The following CYFIP1 variants were observed in gnomAD, a reference collection of about 807,000 sequenced individuals.
The protein encoded by CYFIP1 is cytoplasmic FMR1 interacting protein 1, also known as cytoplasmic FMR1-interacting protein 1.
CYFIP1 carries 58 observed loss-of-function variants against 163.5 expected under a neutral mutation model. The ratio of observed to expected loss-of-function variants is 0.35; its 90% confidence interval spans 0.29 to 0.44. CYFIP1 has a LOEUF of 0.44. CYFIP1 is among the 20% of genes least tolerant of loss of function. The pLI is 1.00. For synonymous variants in CYFIP1, 663 were observed against 660.7 expected, an observed-to-expected ratio of 1.00 and a Z score of -0.05; for missense variants, 1,338 against 1,653.8, an observed-to-expected ratio of 0.81 and a Z score of 3.31.
intron 23 of CYFIP1, among the ~76,000 whole-genome samples, chr15:22,887,787 G>A (rs529830737): frequency 2.6e-5 from 4 of 152,304 alleles, no homozygotes; most frequent in Admixed American, 2.6e-4. Context: ...ACACTGTGCT[G>A]TAAAAGACTT....
chr15:22,936,650 G>C (rs905556918), intron 9 of CYFIP1, among the ~76,000 whole-genome samples: 3 of 152,170 alleles, frequency 2.0e-5, no homozygotes, highest in Non-Finnish European at 2.9e-5. Context: ...CCTCTCCTGG[G>C]TATGCACCCA....
chr15:22,977,648 T>G (rs2063323660), intron 1 of CYFIP1, among the ~76,000 whole-genome samples: 1 of 151,936 alleles, frequency 6.6e-6, no homozygotes, highest in Admixed American at 6.6e-5. Flanking sequence ...CTGGCCAACA[T>G]GGCAAAACCC....
chr15:22,949,393 C>G (rs1489712197), intron 1 of CYFIP1, among the ~76,000 whole-genome samples: 2 of 152,142 alleles, frequency 1.3e-5, no homozygotes, highest in African/African-American at 4.8e-5. Context: ...AAGGTGAAGC[C>G]AGGACGTGGG....
intron 6 of CYFIP1, among the ~76,000 whole-genome samples, chr15:22,942,348 T>C (rs1595668418): frequency 2.6e-5 from 4 of 152,208 alleles, no homozygotes; most frequent in South Asian, 2.1e-4. Flanking sequence ...GCAGAGGAAA[T>C]TGAAATTAGC....
intron 24 of CYFIP1, 36 bp downstream of exon 24, chr15:22,882,832 G>A: frequency 6.3e-7 from 1 of 1,595,966 alleles, no homozygotes; most frequent in Non-Finnish European, 8.6e-7. Context: ...AGGGAATCCA[G>A]GCTGTGTGAA....
Position 22,869,910 on chromosome 15 carries a change from G to T in CYFIP1, c.*118C>A, listed in dbSNP as rs1479978313. ...TTTTATAAAATTAAGTTTTTAGATC[G>T]AAAAGCACCCCCTTTAACAGGTACA... On this transcript the variant is annotated 3_prime_UTR_variant, in exon 31 of 31. Transcript: ENST00000617928. 4.4e-6 allele frequency: 4 copies of T among 918,660 alleles called. No homozygotes were observed. The highest frequency in any genetic ancestry group is 4.2e-5 in the Admixed American group (1 of 23,678). 56.9% of individuals were successfully genotyped at this position (918,660 alleles called of 1,614,324 possible).
intron 12 of CYFIP1, 38 bp from the exon 13 acceptor site, chr15:22,926,145 A>C: frequency 6.8e-6 from 11 of 1,612,172 alleles, no homozygotes; most frequent in South Asian, 1.1e-5. Context: ...TCCATATTGC[A>C]TGCAAAACGC....
At chr15:22,915,137 T>G (rs906700438) in intron 16 of CYFIP1, 1 of 369,212 alleles carries the variant, frequency 2.7e-6, no homozygotes, top group African/African-American at 2.1e-5. Flanking sequence ...TGTCTTTTTT[T>G]TTTTTTTGAG....
In CYFIP1 at chr15:22,976,796, G is replaced by A. The variant is rs980370801; in HGVS notation, c.-7+3491C>T. The stretch of plus-strand genomic sequence containing the variant: ...TCAGGTTTCAGGCTTCCATTGGAAC[G>A]TATCGTCCATGGATAACAAGGACTG... On this transcript the variant is annotated intron_variant, in intron 1 of 30. Transcript: ENST00000617928. Among the ~76,000 whole-genome samples, 44 of 152,300 alleles carry A rather than the reference G, an allele frequency of 2.9e-4. 1 individual carries two copies. The highest frequency in any genetic ancestry group is 9.9e-4 in the African/African-American group (41 of 41,572).
rs1019394497 is a variant in CYFIP1 at position 22,931,166 on chromosome 15, G to A, written c.1110+1057C>T. On this transcript the variant is annotated intron_variant, in intron 11 of 30. Transcript: ENST00000617928. ...GGCCAACATCCACAGAGTTGTCCCC[G>A]CTAAGGTTAATGGTCCTCCTGAGAC... 1.4e-4 allele frequency among the ~76,000 whole-genome samples: 21 copies of A among 152,282 alleles called. No homozygotes were observed. The East Asian group carries it at 2.7e-3, about 20-fold the overall frequency.
In CYFIP1 at chr15:22,869,008, C is replaced by T. The variant is rs914059300; in HGVS notation, c.*1020G>A. The T allele has an allele frequency of 2.0e-5, 3 of 152,134 alleles. No individual in the cohort carries two copies. Among genetic ancestry groups the T allele is most frequent in the South Asian group, 2.1e-4 (1 of 4,826 alleles). The allele number at this position is 152,134 out of a possible 1,614,324, so 9.4% of individuals were successfully genotyped here. ...ATGGCTTTAGTTTCTCAAACATGTTCGTGACTCTACTGGTAGTCTAGACCG... is the reference window on the plus strand; with the variant it reads ...ATGGCTTTAGTTTCTCAAACATGTTTGTGACTCTACTGGTAGTCTAGACCG... On this transcript the variant is annotated 3_prime_UTR_variant, in exon 31 of 31. Coordinates refer to ENST00000617928, the MANE Select transcript of CYFIP1 (RefSeq NM_014608.6).
At chr15:22,924,874 C>T (rs879117852) in intron 13 of CYFIP1, among the ~76,000 whole-genome samples, 10 of 151,984 alleles carry the variant, frequency 6.6e-5, no homozygotes, top group South Asian at 2.1e-4. Context: ...GAGTTTGAGA[C>T]GAACCCGGGC....
intron 1 of CYFIP1, among the ~76,000 whole-genome samples, chr15:22,972,315 A>G (rs1420245673): frequency 6.6e-6 from 1 of 152,066 alleles, no homozygotes; most frequent in Non-Finnish European, 1.5e-5. Flanking sequence ...GCACGCCTGT[A>G]ATCCCCAGCT....
At chr15:22,873,021 A>G (rs780440038) in intron 29 of CYFIP1, 49 bp from the exon 30 acceptor site, 1 of 1,599,890 alleles carries the variant, frequency 6.3e-7, no homozygotes, top group Non-Finnish European at 8.5e-7. Flanking sequence ...ATACGTTATG[A>G]AGTCTTTTCT....
chr15:22,909,435 G>A (rs1239143026), intron 20 of CYFIP1, 122 bp from the exon 21 acceptor site: 9 of 1,211,878 alleles, frequency 7.4e-6, no homozygotes, highest in East Asian at 2.4e-5. Flanking sequence ...TTACAACCAC[G>A]TTCAAGACCC....
chr15:22,956,130 C>T (rs1025894588), intron 1 of CYFIP1, among the ~76,000 whole-genome samples: 13 of 152,052 alleles, frequency 8.5e-5, no homozygotes, highest in Non-Finnish European at 1.5e-4. Flanking sequence ...TCACTTGAAC[C>T]CAGGAGGCGG....
At chr15:22,973,780 T>C (rs1472713478) in intron 1 of CYFIP1, among the ~76,000 whole-genome samples, 1 of 152,168 alleles carries the variant, frequency 6.6e-6, no homozygotes, top group Admixed American at 6.6e-5. Flanking sequence ...ATCTACAGAA[T>C]GCAGGAAAAT....
chr15:22,944,915 C>T lies in CYFIP1; in HGVS notation c.232G>A (p.Glu78Lys). 1 of 1,614,144 alleles carries T rather than the reference C, an allele frequency of 6.2e-7. No individual in the cohort carries two copies. Among genetic ancestry groups the T allele is most frequent in the Non-Finnish European group, 8.5e-7 (1 of 1,180,010 alleles). Residue 78 changes from glutamate (E) to lysine (K), a missense_variant, in exon 4 of 31, where the codon GAA becomes AAA. Transcript: ENST00000617928. ...SMNEMLEEGQ[E>K]YAVMLYTWRS... ...CAGGTGTACAGCATGACAGCATATT[C>T]TTGGCCCTCCTCCAGCATCTCGTTC...
intron 11 of CYFIP1, among the ~76,000 whole-genome samples, chr15:22,928,387 AAT>A (rs2142191780): frequency 1.4e-5 from 2 of 141,862 alleles, no homozygotes; most frequent in African/African-American, 5.1e-5. Flanking sequence ...CGTCTCAAAA[AAT>A]AATAAATAAA....
Sources: allele counts gnomAD v4.1 joint callset (sites outside exome capture counted in the v4.1 genomes callset), GRCh38; gene constraint gnomAD v4.1.1; transcripts MANE v1.5; gene names NCBI Gene and HGNC (gene_info 2026-07-23, HGNC 2026-07-21).